The following FRMD4A variants were observed in gnomAD, a reference collection of about 807,000 sequenced individuals.
The protein encoded by FRMD4A is FERM domain-containing protein 4A.
In FRMD4A, 29 loss-of-function variants were observed where a neutral mutation model predicts 129.1. The observed-to-expected ratio is 0.22, with a 90% CI of 0.17 to 0.31. The LOEUF (loss-of-function observed/expected upper bound fraction) is 0.31. Among genes scored for constraint, FRMD4A ranks in the 10% least tolerant of loss-of-function variants. The probability of loss-of-function intolerance (pLI) is 1.00; values close to 1 mark genes in which losing one functional copy is unlikely to be tolerated. For synonymous variants in FRMD4A, 634 were observed against 571.6 expected, an observed-to-expected ratio of 1.11 and a Z score of -1.56; for missense variants, 1,272 against 1,375.8, an observed-to-expected ratio of 0.92 and a Z score of 1.19.
At chr10:13,910,888 G>GA (rs141449954) in intron 2 of FRMD4A, among the ~76,000 whole-genome samples, 7 of 83,074 alleles carry the variant, frequency 8.4e-5, no homozygotes, top group African/African-American at 3.5e-4. Context: ...GGAGTTTCAT[G>GA]AAAAAAAAAA....
intron 2 of FRMD4A, among the ~76,000 whole-genome samples, chr10:14,223,869 C>G (rs1435896688): frequency 6.6e-6 from 1 of 152,090 alleles, no homozygotes; most frequent in East Asian, 1.9e-4. Context: ...CTCCCCTCTG[C>G]AACCCATGGG....
intron 2 of FRMD4A, among the ~76,000 whole-genome samples, chr10:14,302,072 G>A (rs764935558): frequency 1.4e-4 from 21 of 152,334 alleles, no homozygotes; most frequent in Admixed American, 2.6e-4. Flanking sequence ...CATCGTAATG[G>A]AAAGGGTTTG....
At chr10:13,760,345 C>G (rs1267736857) in intron 8 of FRMD4A, among the ~76,000 whole-genome samples, 1 of 151,942 alleles carries the variant, frequency 6.6e-6, no homozygotes, top group African/African-American at 2.4e-5. Context: ...GAGAGCTCAT[C>G]TCTACAAAAA....
chr10:13,805,712 G>A (rs1027846076), intron 4 of FRMD4A, among the ~76,000 whole-genome samples: 4 of 151,994 alleles, frequency 2.6e-5, no homozygotes, highest in African/African-American at 9.7e-5. Flanking sequence ...TTGTTGAGAC[G>A]AGGTCTCACT....
At chr10:13,757,055 T>C (rs2091895079) in intron 8 of FRMD4A, among the ~76,000 whole-genome samples, 1 of 152,208 alleles carries the variant, frequency 6.6e-6, no homozygotes, top group Admixed American at 6.5e-5. Context: ...TTACGATGAA[T>C]AAAGTATGTA....
intron 2 of FRMD4A, among the ~76,000 whole-genome samples, chr10:13,967,862 A>G (rs974141981): frequency 2.6e-5 from 4 of 152,240 alleles, no homozygotes; most frequent in African/African-American, 9.6e-5. Flanking sequence ...TCTGGACGAC[A>G]TGGCGAAACC....
chr10:13,724,501 C>T (rs1175726206), intron 12 of FRMD4A, among the ~76,000 whole-genome samples: 1 of 152,142 alleles, frequency 6.6e-6, no homozygotes. Context: ...AGGTTACTAC[C>T]GGTTCATGGC....
chr10:14,251,811 T>A (rs1353487482), intron 2 of FRMD4A, among the ~76,000 whole-genome samples: 1 of 152,166 alleles, frequency 6.6e-6, no homozygotes, highest in South Asian at 2.1e-4. Context: ...TGTCCCTTCA[T>A]TTTTTGATGG....
At chr10:13,984,594 C>T (rs1344397590) in intron 2 of FRMD4A, among the ~76,000 whole-genome samples, 1 of 152,160 alleles carries the variant, frequency 6.6e-6, no homozygotes, top group East Asian at 1.9e-4. Context: ...GTCGGTTTGA[C>T]AATTCTTCGT....
intron 2 of FRMD4A, among the ~76,000 whole-genome samples, chr10:13,997,389 C>T (rs2095626395): frequency 6.6e-6 from 1 of 152,272 alleles, no homozygotes; most frequent in Non-Finnish European, 1.5e-5. Flanking sequence ...AAAAATTGTT[C>T]TAAGAGTTTC....
At chr10:13,846,181 A>G (rs2094042660) in intron 3 of FRMD4A, among the ~76,000 whole-genome samples, 1 of 152,258 alleles carries the variant, frequency 6.6e-6, no homozygotes, top group Non-Finnish European at 1.5e-5. Flanking sequence ...AAGCTATATA[A>G]TTTCCCAAAG....
At position 13,740,202 on chromosome 10, in the gene FRMD4A, C is replaced by T; in HGVS notation, c.664G>A (p.Ala222Thr). The change falls in exon 11 of 25, where the codon GCA becomes ACA. Residue 222 changes from alanine (A) to threonine (T), a missense_variant. Transcript: ENST00000357447. ...SLPTYGVHYY[A>T]VKDKQGIPWW... Reference sequence around the variant, plus strand: ...CAAATGAGTCTACTCACCTTCACTGCATAATAGTGAACCCCGTAGGTTGGG... The same window carrying T: ...CAAATGAGTCTACTCACCTTCACTGTATAATAGTGAACCCCGTAGGTTGGG... 1 of 1,594,644 alleles carries T rather than the reference C, an allele frequency of 6.3e-7. No individual in the cohort carries two copies. Among genetic ancestry groups the T allele is most frequent in the Non-Finnish European group, 8.6e-7 (1 of 1,162,204 alleles).
In FRMD4A at chr10:13,914,753, A is replaced by G. The variant is rs546183695; in HGVS notation, c.46-55841T>C. Among the ~76,000 whole-genome samples, 5 of 152,336 alleles carry G rather than the reference A, an allele frequency of 3.3e-5. No homozygotes were observed. In the South Asian group the frequency reaches 1.0e-3, roughly 32 times the overall value. On this transcript the variant is annotated intron_variant, in intron 2 of 24. Coordinates refer to ENST00000357447, the MANE Select transcript of FRMD4A (RefSeq NM_018027.5). Reference sequence around the variant, plus strand: ...GAATGTTACTGACAGCAACCTGAATAGGAGGCTGAAGTGTGATGTGGTGGA... The same window carrying G: ...GAATGTTACTGACAGCAACCTGAATGGGAGGCTGAAGTGTGATGTGGTGGA...
chr10:13,843,839 C>T (rs1252340075), intron 3 of FRMD4A, among the ~76,000 whole-genome samples: 1 of 152,150 alleles, frequency 6.6e-6, no homozygotes, highest in Non-Finnish European at 1.5e-5. Context: ...GGAGGTGGTG[C>T]CTGGGCTGCT....
intron 2 of FRMD4A, among the ~76,000 whole-genome samples, chr10:14,284,333 C>T (rs1845612993): frequency 6.6e-6 from 1 of 152,046 alleles, no homozygotes. Context: ...GAAATTTATA[C>T]CAACAAAACC....
chr10:14,106,148 C>A (rs1926823), intron 2 of FRMD4A, among the ~76,000 whole-genome samples: 76,355 of 152,060 alleles, frequency 0.5, 21,290 homozygotes, highest in East Asian at 0.71. Context: ...CTAGCATCAT[C>A]CAAATGTGAC....
At chr10:13,864,270 A>G (rs1441078524) in intron 2 of FRMD4A, among the ~76,000 whole-genome samples, 1 of 149,120 alleles carries the variant, frequency 6.7e-6, no homozygotes, top group Admixed American at 6.8e-5. Context: ...TGCTAGGATT[A>G]TAGGCATGAG....
At chr10:13,955,713 G>T (rs1026030643) in intron 2 of FRMD4A, among the ~76,000 whole-genome samples, 1 of 152,162 alleles carries the variant, frequency 6.6e-6, no homozygotes, top group Non-Finnish European at 1.5e-5. Context: ...GCCCTGCCGG[G>T]GTCTACTTTG....
Position 13,666,203 on chromosome 10 carries a change from C to T in FRMD4A, c.1497G>A (p.Ser499=), listed in dbSNP as rs145956961. ...GCAGTTTCTTCAGTGCATTCAGATA[C>T]GAGGTTTTCCTTTGTTTCTTCAGTT... The part of the protein sequence containing the change: ...SKKLKKQRKT[S]YLNALKKLQE... Residue 499 remains serine, a synonymous_variant, in exon 18 of 25, where the codon TCG becomes TCA. Coordinates refer to ENST00000357447, the MANE Select transcript of FRMD4A (RefSeq NM_018027.5). 12 of 1,613,454 alleles carry T rather than the reference C, an allele frequency of 7.4e-6. No individual in the cohort carries two copies. The highest frequency in any genetic ancestry group is 2.2e-5 in the East Asian group (1 of 44,876).
Sources: gnomAD v4.1 joint callset for allele counts (sites outside exome capture counted in the v4.1 genomes callset) on GRCh38, gnomAD v4.1.1 for gene constraint, MANE v1.5 for transcripts, NCBI Gene and HGNC (gene_info 2026-07-23, HGNC 2026-07-21) for gene names.